Variants in CIP2A observed in about 807,000 individuals in gnomAD.
CIP2A encodes the protein cellular inhibitor of PP2A, also known as protein CIP2A.
In CIP2A, 103 loss-of-function variants were observed where a neutral mutation model predicts 110.9. The ratio of observed to expected loss-of-function variants is 0.93; its 90% CI spans 0.79 to 1.09. CIP2A has a LOEUF of 1.09. CIP2A is among the 50% of genes least tolerant of loss of function. The probability of loss-of-function intolerance (pLI) is 0.00; values close to 1 mark genes in which losing one functional copy is unlikely to be tolerated. For missense variants in CIP2A, 1,088 were observed against 1,038.4 expected (o/e 1.05, Z -0.66); for synonymous variants, 381 against 361.6 (o/e 1.05, Z -0.61).
At chr3:108,565,045 C>T (rs1028989064) in intron 12 of CIP2A, among the ~76,000 whole-genome samples, 2 of 151,834 alleles carry the variant, frequency 1.3e-5, no homozygotes, top group African/African-American at 4.8e-5. Flanking sequence ...ACTCTTCCTC[C>T]AATGCCAACA....
At chr3:108,553,982 G>A (rs1230229781) in intron 18 of CIP2A, among the ~76,000 whole-genome samples, 1 of 148,844 alleles carries the variant, frequency 6.7e-6, no homozygotes, top group Non-Finnish European at 1.5e-5. Flanking sequence ...TGCAACCTCT[G>A]CCTCCCGGGC....
intron 8 of CIP2A, among the ~76,000 whole-genome samples, chr3:108,572,661 T>C (rs1036586900): frequency 6.6e-6 from 1 of 152,098 alleles, no homozygotes; most frequent in African/African-American, 2.4e-5. Context: ...ATAAATAAAA[T>C]ATATATTTAC....
chr3:108,577,065 T>C (rs1377499597), intron 7 of CIP2A, among the ~76,000 whole-genome samples: 1 of 152,156 alleles, frequency 6.6e-6, no homozygotes, highest in African/African-American at 2.4e-5. Flanking sequence ...AGAGAAAGTA[T>C]TCTAGTCTTC....
intron 8 of CIP2A, among the ~76,000 whole-genome samples, chr3:108,575,598 GTA>G (rs369476596): frequency 7.3e-6 from 1 of 136,596 alleles, no homozygotes; most frequent in Non-Finnish European, 1.6e-5. Flanking sequence ...ATATATACGT[GTA>G]TATATACTCA....
At chr3:108,589,076 C>G (rs1939209634) in intron 1 of CIP2A, among the ~76,000 whole-genome samples, 198 bp downstream of exon 1, 1 of 152,208 alleles carries the variant, frequency 6.6e-6, no homozygotes, top group African/African-American at 2.4e-5. Flanking sequence ...TTCCTAGAGC[C>G]TTCAGTGAGC....
rs1163991017 is a variant in CIP2A at position 108,569,168 on chromosome 3, C to CTATA, written c.1113+217_1113+220dup. 5.4e-4 allele frequency among the ~76,000 whole-genome samples: 6 copies of CTATA among 11,090 alleles called. 2 individuals carry two copies. Among genetic ancestry groups the CTATA allele is most frequent in the Admixed American group, 3.4e-3 (2 of 592 alleles). 7.3% of individuals were successfully genotyped at this position (11,090 alleles called of 152,430 possible). The stretch of plus-strand genomic sequence containing the variant: ...TTTACTTATTACACTGAAATGAGCA[C>CTATA]TATATATATATATACATACACACTA... On this transcript the variant is annotated intron_variant, in intron 9 of 20. Coordinates refer to ENST00000295746, the MANE Select transcript of CIP2A (RefSeq NM_020890.3).
At chr3:108,575,734 GTATA>G (rs1221453566) in intron 8 of CIP2A, among the ~76,000 whole-genome samples, 1 of 35,700 alleles carries the variant, frequency 2.8e-5, no homozygotes, top group Non-Finnish European at 5.5e-5. Context: ...ATATATACGT[GTATA>G]TATACTCATA....
At chr3:108,565,300 T>C (rs920835228) in intron 12 of CIP2A, 55 bp downstream of exon 12, 14 of 849,804 alleles carry the variant, frequency 1.6e-5, no homozygotes, top group South Asian at 1.1e-4. Flanking sequence ...CAGAAACTTA[T>C]ATTAGGACCA....
chr3:108,568,340 T>C, intron 9 of CIP2A, 26 bp from the exon 10 acceptor site: 1 of 1,601,152 alleles, frequency 6.2e-7, no homozygotes, highest in Non-Finnish European at 8.5e-7. Flanking sequence ...TCACAAATGA[T>C]TAAAAGCAAA....
intron 1 of CIP2A, among the ~76,000 whole-genome samples, chr3:108,587,454 T>C (rs543529039): frequency 6.6e-6 from 1 of 152,260 alleles, no homozygotes; most frequent in Admixed American, 6.5e-5. Context: ...ACCCAAACCT[T>C]ATGTGAAGAG....
At chr3:108,579,789 C>A in intron 5 of CIP2A, 101 bp from the exon 6 acceptor site, 1 of 535,184 alleles carries the variant, frequency 1.9e-6, no homozygotes, top group Non-Finnish European at 3.1e-6. Context: ...TATTAAACAT[C>A]ATTATCAACT....
At chr3:108,587,344 T>C (rs1294281922) in intron 1 of CIP2A, among the ~76,000 whole-genome samples, 1 of 151,802 alleles carries the variant, frequency 6.6e-6, no homozygotes, top group Non-Finnish European at 1.5e-5. Flanking sequence ...ACATCAATAA[T>C]AAAAAAAATG....
chr3:108,584,755 G>A (rs1408833088), intron 2 of CIP2A: 4 of 217,462 alleles, frequency 1.8e-5, no homozygotes, highest in Non-Finnish European at 3.6e-5. Context: ...TATCCCCACC[G>A]CCCTGCCCCA....
intron 2 of CIP2A, among the ~76,000 whole-genome samples, chr3:108,584,203 G>C (rs1938972176): frequency 6.6e-6 from 1 of 152,158 alleles, no homozygotes; most frequent in African/African-American, 2.4e-5. Context: ...TCCACTATTA[G>C]GGGAATAGTT....
At chr3:108,573,840 T>G (rs539857209) in intron 8 of CIP2A, among the ~76,000 whole-genome samples, 2 of 152,304 alleles carry the variant, frequency 1.3e-5, no homozygotes, top group Admixed American at 1.3e-4. Flanking sequence ...ATTCTAATTT[T>G]TTTCTTCTGT....
chr3:108,557,942 G>C (rs1171118453), intron 16 of CIP2A, among the ~76,000 whole-genome samples: 1 of 152,060 alleles, frequency 6.6e-6, no homozygotes. Flanking sequence ...ATAAAAAGTT[G>C]GTTCCCCCCA....
chr3:108,567,970 A>T (rs568579936), intron 10 of CIP2A, among the ~76,000 whole-genome samples, 185 bp downstream of exon 10: 1 of 152,026 alleles, frequency 6.6e-6, no homozygotes, highest in Non-Finnish European at 1.5e-5. Flanking sequence ...TAAGGAAAAA[A>T]AATCATGGAT....
intron 1 of CIP2A, among the ~76,000 whole-genome samples, chr3:108,587,891 C>T (rs1939121248): frequency 6.6e-6 from 1 of 152,140 alleles, no homozygotes; most frequent in South Asian, 2.1e-4. Context: ...AAGCGATTCT[C>T]CAGCCTCAGC....
intron 8 of CIP2A, among the ~76,000 whole-genome samples, chr3:108,573,017 T>A (rs1295323759): frequency 6.6e-6 from 1 of 152,078 alleles, no homozygotes; most frequent in African/African-American, 2.4e-5. Flanking sequence ...TGAATAGGTA[T>A]TAAATTTTAT....
Sources: gnomAD v4.1 joint callset for allele counts (sites outside exome capture counted in the v4.1 genomes callset) on GRCh38, gnomAD v4.1.1 for gene constraint, MANE v1.5 for transcripts, NCBI Gene and HGNC (gene_info 2026-07-23, HGNC 2026-07-21) for gene names.